The following ERCC6L2 variants were observed in gnomAD, a reference collection of about 807,000 sequenced individuals.
ERCC6L2 encodes ERCC excision repair 6 like 2.
ERCC6L2 carries 77 observed loss-of-function variants against 132.0 expected under a neutral mutation model. The observed-to-expected ratio is 0.58, with a 90% CI of 0.49 to 0.71. The LOEUF is 0.71. Ranked by LOEUF, ERCC6L2 falls within the 30% of genes least tolerant of loss-of-function variation. ERCC6L2 has a pLI of 0.00. For missense variants in ERCC6L2, 1,542 were observed against 1,837.6 expected, an observed-to-expected ratio of 0.84 and a Z score of 2.94; for synonymous variants, 583 against 632.4, an observed-to-expected ratio of 0.92 and a Z score of 1.17.
intron 13 of ERCC6L2, among the ~76,000 whole-genome samples, chr9:95,958,104 A>C (rs945478875): frequency 7.4e-6 from 1 of 135,726 alleles, no homozygotes; most frequent in African/African-American, 2.8e-5. Context: ...TTCAATTCCC[A>C]CCTATGAGTG....
intron 17 of ERCC6L2, among the ~76,000 whole-genome samples, chr9:95,993,714 T>C (rs1833378383): frequency 6.6e-6 from 1 of 152,226 alleles, no homozygotes; most frequent in Non-Finnish European, 1.5e-5. Context: ...AATATAAAGT[T>C]GTCCTTATGT....
At chr9:96,038,101 G>A (rs11999390) in intron 19 of ERCC6L2, among the ~76,000 whole-genome samples, 10,171 of 152,102 alleles carry the variant, frequency 0.067, 1,125 homozygotes, top group African/African-American at 0.23. Context: ...TCAGGAGACC[G>A]TCCCTGAAGG....
At position 95,890,775 on chromosome 9, in the gene ERCC6L2, C is replaced by T. The variant is rs118144818; in HGVS notation, c.472-7074C>T. 1.7e-4 allele frequency among the ~76,000 whole-genome samples: 26 copies of T among 152,242 alleles called. 1 individual carries two copies. The East Asian group carries it at 5.0e-3, about 29-fold the overall frequency. ...CTTGACCTCCTGGGCTCAAGTGATCCTCCCCACCTCAGCCTCCCGAGTAGC... is the reference window on the plus strand; with the variant it reads ...CTTGACCTCCTGGGCTCAAGTGATCTTCCCCACCTCAGCCTCCCGAGTAGC... On this transcript the variant is annotated intron_variant, in intron 2 of 18. Transcript: ENST00000653738.
intron 2 of ERCC6L2, among the ~76,000 whole-genome samples, chr9:95,893,446 C>A (rs969997087): frequency 6.6e-6 from 1 of 152,166 alleles, no homozygotes; most frequent in African/African-American, 2.4e-5. Context: ...GTTTTCTTAT[C>A]AAAGTTACGC....
downstream of ERCC6L2, chr9:96,021,347 T>C (rs898290301): frequency 3.1e-6 from 1 of 327,144 alleles, no homozygotes; most frequent in Non-Finnish European, 5.9e-6. The surrounding 1 kb of genome is among the most constrained non-coding windows in gnomAD (Gnocchi z 4.7). Context: ...GGAAAGCGAG[T>C]TCTCCAGGAG....
intron 6 of ERCC6L2, among the ~76,000 whole-genome samples, chr9:95,917,546 A>G (rs1256628454): frequency 1.3e-5 from 2 of 152,234 alleles, no homozygotes; most frequent in Admixed American, 6.5e-5. Flanking sequence ...ATATTTATCT[A>G]AAGCAAATAT....
At chr9:95,937,763 CTTTTT>C (rs1375439505) in intron 11 of ERCC6L2, among the ~76,000 whole-genome samples, 1 of 151,534 alleles carries the variant, frequency 6.6e-6, no homozygotes, top group African/African-American at 2.4e-5. Flanking sequence ...AACGAATCAG[CTTTTT>C]TTCACTGATT....
intron 4 of ERCC6L2, among the ~76,000 whole-genome samples, chr9:95,910,976 C>G (rs1051293019): frequency 1.3e-5 from 2 of 152,124 alleles, no homozygotes; most frequent in African/African-American, 4.8e-5. Flanking sequence ...TGCAGTGGTG[C>G]TATCACAGCT....
chr9:95,959,396 C>G (rs536048793), intron 13 of ERCC6L2, among the ~76,000 whole-genome samples: 140 of 151,914 alleles, frequency 9.2e-4, no homozygotes, highest in African/African-American at 3.3e-3. Context: ...GGATTAAAGA[C>G]TTAAACGTTA....
rs754429690 is a variant in ERCC6L2, at chr9:95,923,292, A to G, written c.1446A>G (p.Val482=). 4.3e-6 allele frequency: 7 copies of G among 1,613,790 alleles called. No homozygotes were observed. The highest frequency in any genetic ancestry group is 5.9e-6 in the Non-Finnish European group (7 of 1,179,828). The change falls in exon 9 of 19, where the codon GTA becomes GTG. Residue 482 remains valine (V), a synonymous_variant. Transcript: ENST00000653738. ...ETLIKRICDQ[V]FSRFPDFVQK... Reference sequence around the variant, plus strand: ...TTATCAAAAGGATATGTGATCAGGTATTTTCCAGATTCCCAGATTTTGTGC... The same window carrying G: ...TTATCAAAAGGATATGTGATCAGGTGTTTTCCAGATTCCCAGATTTTGTGC...
At chr9:95,917,720 G>T (rs535625911) in intron 6 of ERCC6L2, among the ~76,000 whole-genome samples, 1 of 152,294 alleles carries the variant, frequency 6.6e-6, no homozygotes, top group South Asian at 2.1e-4. Context: ...AATACTATTT[G>T]ATTAGAGTAT....
At chr9:96,021,308 T>A (rs1403648985), downstream of ERCC6L2, 1 of 333,052 alleles carries the variant, frequency 3.0e-6, no homozygotes, top group African/African-American at 2.3e-5. The surrounding 1 kb of genome is among the most constrained non-coding windows in gnomAD (Gnocchi z 4.7). Context: ...AAGCAAGCGA[T>A]TAACTGATGG....
In ERCC6L2 at chr9:95,916,284, A is replaced by G; in HGVS notation, c.1008A>G (p.Pro336=). ...GTYFKKQFSD[P]VEHGQRHTAT... ...ACTTCAAGAAGCAGTTTTCTGACCC[A>G]GTAGAACATGGTCAGAGACACACGG... Residue 336 remains proline (P), a synonymous_variant, in exon 6 of 19, where the codon CCA becomes CCG. Coordinates refer to ENST00000653738, the MANE Select transcript of ERCC6L2 (RefSeq NM_020207.7). 3 of 1,614,174 alleles carry G rather than the reference A, an allele frequency of 1.9e-6. No individual in the cohort carries two copies. The highest frequency in any genetic ancestry group is 2.2e-5 in the South Asian group (2 of 91,086).
intron 11 of ERCC6L2, among the ~76,000 whole-genome samples, chr9:95,935,722 T>C (rs533964892): frequency 7.9e-5 from 12 of 152,264 alleles, no homozygotes; most frequent in Non-Finnish European, 1.5e-5. Flanking sequence ...CAAGAATGAC[T>C]GGTGTGATAC....
intron 19 of ERCC6L2, among the ~76,000 whole-genome samples, chr9:96,029,700 T>A (rs1834429822): frequency 6.6e-6 from 1 of 152,244 alleles, no homozygotes; most frequent in Non-Finnish European, 1.5e-5. Flanking sequence ...GTTCTCATAT[T>A]TATCTAAACA....
chr9:95,957,087 G>A (rs1200728253), intron 13 of ERCC6L2, among the ~76,000 whole-genome samples: 1 of 152,058 alleles, frequency 6.6e-6, no homozygotes, highest in African/African-American at 2.4e-5. Context: ...GTCCGAAATT[G>A]CATTAACTCT....
In ERCC6L2 at chr9:96,017,472, C is replaced by T. The variant is rs113373749; in HGVS notation, c.*4269C>T. Among the ~76,000 whole-genome samples, 26 of 152,254 alleles carry T rather than the reference C, an allele frequency of 1.7e-4. No individual in the cohort carries two copies. The highest frequency in any genetic ancestry group is 5.8e-4 in the African/African-American group (24 of 41,546). On this transcript the variant is annotated 3_prime_UTR_variant, in exon 19 of 19. Coordinates refer to ENST00000653738, the MANE Select transcript of ERCC6L2 (RefSeq NM_020207.7). ...CCCAAGGGTAGCAAGTCAGAACCTC[C>T]GGAGAGGCTTTTAAGCATGCACATG...
chr9:96,023,675 CTCTTCCTCAGTT>C (rs1834325427), intron 19 of ERCC6L2, among the ~76,000 whole-genome samples: 2 of 152,236 alleles, frequency 1.3e-5, no homozygotes, highest in Admixed American at 6.5e-5. Context: ...CACCCTACTT[CTCTTCCTCAGTT>C]GCTTCATCAA....
chr9:96,026,973 AACACACCACAC>A (rs1196171696), intron 19 of ERCC6L2, among the ~76,000 whole-genome samples: 6 of 127,486 alleles, frequency 4.7e-5, no homozygotes, highest in South Asian at 2.6e-4. Flanking sequence ...ACACCGCACA[AACACACCACAC>A]ACACACCACA....
Sources: gnomAD v4.1 joint callset for allele counts (sites outside exome capture counted in the v4.1 genomes callset) on GRCh38, gnomAD v4.1.1 for gene constraint, Gnocchi (gnomAD v3.1) non-coding constraint, MANE v1.5 for transcripts, NCBI Gene and HGNC (gene_info 2026-07-23, HGNC 2026-07-21) for gene names.